EPG5: variants seen among roughly 807,000 people sequenced by gnomAD.
EPG5 encodes the protein ectopic P granules protein 5 homolog.
A neutral mutation model predicts 302.7 loss-of-function variants in EPG5; 159 were observed. That is an observed-to-expected ratio of 0.53 (90% confidence interval 0.46 to 0.60). The LOEUF (loss-of-function observed/expected upper bound fraction) is 0.60. Among genes scored for constraint, EPG5 ranks in the 20% least tolerant of loss-of-function variants. EPG5 has a pLI of 0.00. For missense variants in EPG5, 2,896 were observed against 3,092.4 expected, an observed-to-expected ratio of 0.94 and a Z score of 1.51; for synonymous variants, 1,158 against 1,136.8, an observed-to-expected ratio of 1.02 and a Z score of -0.37.
chr18:45,895,800 C>T (rs976903605), intron 27 of EPG5, among the ~76,000 whole-genome samples: 8 of 152,172 alleles, frequency 5.3e-5, no homozygotes, highest in Non-Finnish European at 8.8e-5. Context: ...CTACCTTTTG[C>T]AGGACATACT....
intron 1 of EPG5, among the ~76,000 whole-genome samples, chr18:45,959,248 G>A (rs1397289121): frequency 1.3e-5 from 2 of 152,134 alleles, no homozygotes; most frequent in Non-Finnish European, 2.9e-5. Flanking sequence ...GGCTGAGGCA[G>A]GAGAATTGCT....
intron 39 of EPG5, among the ~76,000 whole-genome samples, chr18:45,864,737 T>C (rs1442179112): frequency 6.6e-6 from 1 of 152,216 alleles, no homozygotes; most frequent in Non-Finnish European, 1.5e-5. Flanking sequence ...ATTCTTAGAT[T>C]GAGGTTGTTG....
chr18:45,854,094 TGGCCACAGGA>T (rs1279364113), intron 43 of EPG5, among the ~76,000 whole-genome samples: 1 of 152,114 alleles, frequency 6.6e-6, no homozygotes, highest in Non-Finnish European at 1.5e-5. Flanking sequence ...CAGGTACTGG[TGGCCACAGGA>T]GACGTAGTCT....
chr18:45,912,566 T>C, intron 21 of EPG5, 110 bp from the exon 22 acceptor site: 1 of 1,100,534 alleles, frequency 9.1e-7, no homozygotes, highest in South Asian at 1.6e-5. Flanking sequence ...TTCAATTCAA[T>C]AATATATTTT....
At chr18:45,873,460 A>C (rs1010769190) in intron 35 of EPG5, among the ~76,000 whole-genome samples, 1 of 152,128 alleles carries the variant, frequency 6.6e-6, no homozygotes, top group African/African-American at 2.4e-5. Flanking sequence ...CAGTGAGCCA[A>C]GATCCTGCCA....
intron 28 of EPG5, among the ~76,000 whole-genome samples, chr18:45,888,777 G>T (rs532260264): frequency 6.6e-6 from 1 of 152,248 alleles, no homozygotes; most frequent in South Asian, 2.1e-4. Context: ...TAGTCTCCTA[G>T]GGGAAAAAAA....
At chr18:45,865,210 T>A (rs2048719654) in intron 39 of EPG5, among the ~76,000 whole-genome samples, 1 of 152,214 alleles carries the variant, frequency 6.6e-6, no homozygotes, top group Non-Finnish European at 1.5e-5. Flanking sequence ...CACCCAGTTA[T>A]CTTCAGCAGG....
the EPG5 span, among the ~76,000 whole-genome samples, chr18:45,802,110 G>T: frequency 6.6e-6 from 1 of 152,126 alleles, no homozygotes; most frequent in Non-Finnish European, 1.5e-5. Flanking sequence ...TCCCTTGGTG[G>T]AGTGCTGATG....
rs144077511 is a variant in EPG5 at position 45,872,831 on chromosome 18, G to A, written c.6050-2089C>T. ...CATTTTTAACAACCTTTAAGACAGAGGTTAATGATAGCATTCGTTTAAATA... is the reference window on the plus strand; with the variant it reads ...CATTTTTAACAACCTTTAAGACAGAAGTTAATGATAGCATTCGTTTAAATA... On this transcript the variant is annotated intron_variant, in intron 35 of 43. Transcript: ENST00000282041. Among the ~76,000 whole-genome samples the A allele has an allele frequency of 2.2e-3, 334 of 152,268 alleles. 2 individuals are homozygous for A. The highest frequency in any genetic ancestry group is 6.1e-3 in the African/African-American group (254 of 41,560).
chr18:45,952,561 A>G lies in EPG5; in HGVS notation c.1091T>C (p.Leu364Pro). 1.2e-6 allele frequency: 2 copies of G among 1,614,158 alleles called. No individual in the cohort carries two copies. Among genetic ancestry groups the G allele is most frequent in the Non-Finnish European group, 1.7e-6 (2 of 1,180,012 alleles). Residue 364 changes from leucine (L) to proline (P), a missense_variant, in exon 3 of 44, where the codon CTA (leucine) becomes CCA (proline). Leu to Pro is a moderately conservative substitution (Grantham distance 98, BLOSUM62 -3). Transcript: ENST00000282041. ...VEMNENALVE[L>P]KKLFDAKSEH... ...AGATTTGGCATCGAATAGCTTCTTT[A>G]GCTCCACCAGTGCATTTTCATTCAT... is the stretch of plus-strand genomic sequence containing the variant.
At chr18:45,967,061 G>T (rs2051280529) in intron 1 of EPG5, 116 bp downstream of exon 1, 4 of 962,202 alleles carry the variant, frequency 4.2e-6, no homozygotes, top group Non-Finnish European at 4.6e-6. Context: ...GAAGGTGGAG[G>T]CGGAAGATGC....
the EPG5 span, among the ~76,000 whole-genome samples, chr18:45,838,163 G>T: frequency 1.2e-4 from 19 of 152,350 alleles, no homozygotes; most frequent in South Asian, 1.0e-3. Context: ...ACTGTCCCCA[G>T]TGGCTCTCAG....
chr18:45,895,741 G>C (rs1032201646), intron 27 of EPG5, among the ~76,000 whole-genome samples: 3 of 152,080 alleles, frequency 2.0e-5, no homozygotes, highest in African/African-American at 7.2e-5. Flanking sequence ...GTGGTCACTG[G>C]ACACATCTAT....
At chr18:45,946,611 A>G (rs2050787783) in intron 7 of EPG5, 52 bp downstream of exon 7, 11 of 1,349,024 alleles carry the variant, frequency 8.2e-6, no homozygotes, top group South Asian at 2.3e-5. Context: ...TACTTGGTGC[A>G]TAAGAAGAGT....
In EPG5 at chr18:45,851,858, C is replaced by T. The variant is rs1178560773; in HGVS notation, c.*609G>A. The T allele has an allele frequency of 6.6e-6, 1 of 152,236 alleles. No individual in the cohort carries two copies. The highest frequency in any genetic ancestry group is 1.5e-5 in the Non-Finnish European group (1 of 68,054). The allele number at this position is 152,236 out of a possible 1,614,324, so 9.4% of individuals were successfully genotyped here. On this transcript the variant is annotated 3_prime_UTR_variant, in exon 44 of 44. Coordinates refer to ENST00000282041, the MANE Select transcript of EPG5 (RefSeq NM_020964.3). Reference sequence around the variant, plus strand: ...CACGGCTGGATGGAAATTGACTTGTCATCATCTCTACTGCCCACTATAATC... The same window carrying T: ...CACGGCTGGATGGAAATTGACTTGTTATCATCTCTACTGCCCACTATAATC...
chr18:45,887,435 A>G (rs190428354), intron 29 of EPG5, among the ~76,000 whole-genome samples: 3 of 152,346 alleles, frequency 2.0e-5, no homozygotes, highest in Admixed American at 2.0e-4. Context: ...ATGAGGATTA[A>G]ACAAACTGGG....
chr18:45,801,388 C>T, the EPG5 span, among the ~76,000 whole-genome samples: 2 of 152,080 alleles, frequency 1.3e-5, no homozygotes, highest in Non-Finnish European at 2.9e-5. Flanking sequence ...AGGCTGGTCT[C>T]GAACTCCTGA....
chr18:45,869,598 T>C (rs1568106214), intron 36 of EPG5, among the ~76,000 whole-genome samples: 1 of 152,204 alleles, frequency 6.6e-6, no homozygotes, highest in Non-Finnish European at 1.5e-5. Context: ...ATGTTCATAA[T>C]GGTGATAAAT....
intron 6 of EPG5, among the ~76,000 whole-genome samples, chr18:45,948,137 T>C (rs1311537923): frequency 6.6e-6 from 1 of 152,216 alleles, no homozygotes; most frequent in East Asian, 1.9e-4. Flanking sequence ...ACTCAACTCT[T>C]TATTCTCTTC....
Sources: gnomAD v4.1 joint callset for allele counts (sites outside exome capture counted in the v4.1 genomes callset) on GRCh38, gnomAD v4.1.1 for gene constraint, MANE v1.5 for transcripts, NCBI Gene and HGNC (gene_info 2026-07-23, HGNC 2026-07-21) for gene names.